The following FBXW11 variants were observed in gnomAD, a reference collection of about 807,000 sequenced individuals.
FBXW11 encodes F-box/WD repeat-containing protein 11.
Under a neutral mutation model 77.6 loss-of-function variants are expected in FBXW11, and 19 were observed. That is an observed-to-expected ratio of 0.24 (90% CI 0.17 to 0.36). The LOEUF (loss-of-function observed/expected upper bound fraction) is 0.36, where lower values mean the gene tolerates loss of function less well. FBXW11 is among the 10% of genes least tolerant of loss of function. The pLI, the probability that FBXW11 is intolerant of heterozygous loss-of-function variation, is 1.00. For missense variants in FBXW11, 334 were observed against 704.2 expected (o/e 0.47, Z 5.95); for synonymous variants, 235 against 249.4 (o/e 0.94, Z 0.54).
At chr5:171,928,931 G>A (rs1561692907) in intron 2 of FBXW11, among the ~76,000 whole-genome samples, 1 of 151,880 alleles carries the variant, frequency 6.6e-6, no homozygotes, top group African/African-American at 2.4e-5. Context: ...AAATTAGCTG[G>A]GCATAGTGGC....
At chr5:171,973,363 A>G (rs1407314446) in intron 1 of FBXW11, among the ~76,000 whole-genome samples, 2 of 152,226 alleles carry the variant, frequency 1.3e-5, no homozygotes, top group Non-Finnish European at 2.9e-5. Flanking sequence ...AGATATAAGA[A>G]ACTATTCACT....
chr5:171,952,895 CGTTAGT>C (rs1185604397), intron 2 of FBXW11, among the ~76,000 whole-genome samples: 14 of 151,536 alleles, frequency 9.2e-5, no homozygotes, highest in Non-Finnish European at 1.3e-4. Context: ...CATCAGCTAT[CGTTAGT>C]GTTAGTGTAA....
intron 2 of FBXW11, among the ~76,000 whole-genome samples, chr5:171,937,303 C>T (rs1384418263): frequency 6.6e-6 from 1 of 152,108 alleles, no homozygotes; most frequent in Non-Finnish European, 1.5e-5. Context: ...TCAAAATACA[C>T]CATAAATAAG....
At chr5:171,946,608 C>T (rs1763022246) in intron 2 of FBXW11, among the ~76,000 whole-genome samples, 1 of 152,036 alleles carries the variant, frequency 6.6e-6, no homozygotes, top group South Asian at 2.1e-4. Context: ...TTGTTGTACA[C>T]TTGCTGTTCC....
chr5:171,997,340 C>T (rs922227332), intron 1 of FBXW11, among the ~76,000 whole-genome samples: 3 of 152,182 alleles, frequency 2.0e-5, no homozygotes, highest in Non-Finnish European at 2.9e-5. Context: ...AAATACCTAC[C>T]CTATCATCCA....
intron 13 of FBXW11, chr5:171,867,731 G>A (rs934918199): frequency 4.6e-5 from 7 of 152,086 alleles, no homozygotes; most frequent in Non-Finnish European, 8.8e-5. Flanking sequence ...CAATGAACAG[G>A]AAAATATGTA....
chr5:171,999,069 G>A (rs916357157), intron 1 of FBXW11, among the ~76,000 whole-genome samples: 5 of 152,076 alleles, frequency 3.3e-5, no homozygotes, highest in Admixed American at 3.3e-4. Flanking sequence ...AATACCTTAA[G>A]ACTCACAACT....
rs1336583407 is a variant in FBXW11 at position 171,876,489 on chromosome 5, G to A, written c.1017C>T (p.His339=). The A allele has an allele frequency of 6.2e-7, 1 of 1,614,076 alleles. No homozygotes were observed. Among genetic ancestry groups the A allele is most frequent in the Non-Finnish European group, 8.5e-7 (1 of 1,180,046 alleles). The change falls in exon 9 of 14, where the codon CAC becomes CAT. Residue 339 remains histidine (H), a synonymous_variant. Transcript: ENST00000517395. This position sits in a 1 kb window ranked among gnomAD's most constrained non-coding sequence, Gnocchi z 4.2. ...NTGEVLNTLI[H]HNEAVLHLRF... ...GTAAGTGCAATACAGCCTCATTGTG[G>A]TGGATCAATGTGTTAAGAACTTCAC...
At chr5:171,959,520 T>C (rs1196392817) in intron 1 of FBXW11, among the ~76,000 whole-genome samples, 1 of 152,030 alleles carries the variant, frequency 6.6e-6, no homozygotes, top group Non-Finnish European at 1.5e-5. Flanking sequence ...AAAATTTTTT[T>C]AATTAAAACA....
intron 2 of FBXW11, among the ~76,000 whole-genome samples, chr5:171,932,473 T>C (rs1342405567): frequency 1.3e-5 from 2 of 152,092 alleles, no homozygotes; most frequent in African/African-American, 4.8e-5. Flanking sequence ...GCCACTTTAT[T>C]TTTTTTAATT....
intron 7 of FBXW11, among the ~76,000 whole-genome samples, chr5:171,883,257 A>G (rs1016167097): frequency 2.0e-5 from 3 of 152,184 alleles, no homozygotes; most frequent in Non-Finnish European, 4.4e-5. Context: ...TCCATGTGCA[A>G]GTGTCTTTTT....
rs61028744 is a variant in FBXW11 at position 171,862,036 on chromosome 5, C to T, written c.*2091G>A. ...GGTTGTCTGCATATTCAAAGGCCAT[C>T]ATCTCCCAAGGAACGAGGGGAACTT... On this transcript the variant is annotated 3_prime_UTR_variant, in exon 14 of 14. Transcript: ENST00000517395. The T allele has an allele frequency of 2.0e-5, 3 of 152,586 alleles. No homozygotes were observed. Among genetic ancestry groups the T allele is most frequent in the African/African-American group, 7.2e-5 (3 of 41,392 alleles). The allele number at this position is 152,586 out of a possible 1,614,324, so 9.5% of individuals were successfully genotyped here.
intron 4 of FBXW11, among the ~76,000 whole-genome samples, chr5:171,907,224 T>C (rs1388133589): frequency 6.6e-6 from 1 of 152,236 alleles, no homozygotes; most frequent in African/African-American, 2.4e-5. Context: ...CCATTTTCCC[T>C]ATACTGACAG....
At chr5:171,992,152 G>A (rs976863902) in intron 1 of FBXW11, among the ~76,000 whole-genome samples, 7 of 150,192 alleles carry the variant, frequency 4.7e-5, no homozygotes, top group Non-Finnish European at 7.4e-5. Context: ...AAAGGAGGCC[G>A]GATGCGGTGG....
chr5:171,996,939 T>C (rs1048744810), intron 1 of FBXW11: 27 of 1,288,702 alleles, frequency 2.1e-5, no homozygotes, highest in South Asian at 4.9e-5. Context: ...TGAATGGGGG[T>C]TTTCCCTTTC....
At position 171,876,212 on chromosome 5, in the gene FBXW11, T is replaced by C. The variant is rs182533442; in HGVS notation, c.1221+73A>G. ...GATCTTGCCAGGTACCAGGTTGGTA[T>C]AAGCCACCTCTGCTTTGTCTCTGTT... On this transcript the variant is annotated intron_variant, in intron 9 of 13. Transcript: ENST00000517395. The surrounding 1 kb of genome is among the most constrained non-coding windows in gnomAD (Gnocchi z 4.2). 3.2e-6 allele frequency: 5 copies of C among 1,576,708 alleles called. No homozygotes were observed. The East Asian group carries it at 9.0e-5, about 28-fold the overall frequency.
At chr5:171,962,072 T>C (rs1026729367) in intron 1 of FBXW11, among the ~76,000 whole-genome samples, 2 of 152,240 alleles carry the variant, frequency 1.3e-5, no homozygotes, top group Admixed American at 6.5e-5. Context: ...AAAAGATTTC[T>C]TCATATTAGC....
chr5:171,887,114 T>G (rs1758957013), intron 7 of FBXW11, among the ~76,000 whole-genome samples: 2 of 152,194 alleles, frequency 1.3e-5, no homozygotes, highest in Admixed American at 1.3e-4. Context: ...TTGTAGGCAT[T>G]CTCAGAGCCT....
Position 171,925,793 on chromosome 5 carries a change from T to A in FBXW11, c.148-11388A>T, listed in dbSNP as rs1278763474. Among the ~76,000 whole-genome samples, 3 of 152,328 alleles carry A rather than the reference T, an allele frequency of 2.0e-5. No homozygotes were observed. The South Asian group carries it at 6.2e-4, about 32-fold the overall frequency. ...TAGTGATTACAGTTCCCTTTTCTGA[T>A]TTACTTTACAAAGTAGATTTTTAAA... is the stretch of plus-strand genomic sequence containing the variant. On this transcript the variant is annotated intron_variant, in intron 2 of 13. Coordinates refer to ENST00000517395, the MANE Select transcript of FBXW11 (RefSeq NM_001378974.1).
Sources: allele counts gnomAD v4.1 joint callset (sites outside exome capture counted in the v4.1 genomes callset), GRCh38; gene constraint gnomAD v4.1.1; non-coding constraint Gnocchi (gnomAD v3.1); transcripts MANE v1.5; gene names NCBI Gene and HGNC (gene_info 2026-07-23, HGNC 2026-07-21).